The following UNC79 variants were observed in gnomAD, a reference collection of about 807,000 sequenced individuals.
The protein encoded by UNC79 is unc-79 subunit of NALCN channel complex, also known as protein unc-79 homolog.
UNC79 carries 37 observed loss-of-function variants against 283.1 expected under a neutral mutation model. The ratio of observed to expected loss-of-function variants is 0.13; its 90% CI spans 0.10 to 0.17. The LOEUF is 0.17. UNC79 is among the 10% of genes least tolerant of loss of function. UNC79 has a pLI of 1.00. For synonymous variants in UNC79, 1,107 were observed against 1,200.2 expected, an observed-to-expected ratio of 0.92 and a Z score of 1.61; for missense variants, 2,272 against 3,211.1, an observed-to-expected ratio of 0.71 and a Z score of 7.07.
At chr14:93,407,799 G>C (rs2055256944) in intron 1 of UNC79, among the ~76,000 whole-genome samples, 1 of 152,084 alleles carries the variant, frequency 6.6e-6, no homozygotes, top group Non-Finnish European at 1.5e-5. Context: ...CATCAACAGG[G>C]CTCTAGCATA....
At chr14:93,475,955 G>GA (rs2057775092) in intron 3 of UNC79, among the ~76,000 whole-genome samples, 1 of 152,132 alleles carries the variant, frequency 6.6e-6, no homozygotes, top group Admixed American at 6.5e-5. Context: ...TAGAAGGTAG[G>GA]AAAAAACTCA....
intron 4 of UNC79, among the ~76,000 whole-genome samples, chr14:93,481,454 C>A (rs1156585465): frequency 6.6e-6 from 1 of 152,056 alleles, no homozygotes; most frequent in East Asian, 1.9e-4. Flanking sequence ...CTGATGCAGG[C>A]TATGTTATTG....
At chr14:93,515,369 T>G (rs1316865252) in intron 7 of UNC79, among the ~76,000 whole-genome samples, 7 of 152,130 alleles carry the variant, frequency 4.6e-5, no homozygotes, top group African/African-American at 1.7e-4. Flanking sequence ...AAAATCTGTT[T>G]CTGATGACTC....
chr14:93,380,050 A>G (rs1313090543), intron 1 of UNC79, among the ~76,000 whole-genome samples: 2 of 152,064 alleles, frequency 1.3e-5, no homozygotes, highest in Non-Finnish European at 2.9e-5. Context: ...CTCTTCCTCA[A>G]TTTAACTTCA....
At chr14:93,574,591 T>C (rs2063371264) in intron 16 of UNC79, among the ~76,000 whole-genome samples, 1 of 152,212 alleles carries the variant, frequency 6.6e-6, no homozygotes, top group African/African-American at 2.4e-5. Flanking sequence ...ATTAATTCTG[T>C]CTGAAGGAAG....
chr14:93,512,817 A>T (rs1399600777), intron 7 of UNC79, among the ~76,000 whole-genome samples: 1 of 152,000 alleles, frequency 6.6e-6, no homozygotes, highest in Non-Finnish European at 1.5e-5. Flanking sequence ...TGAACTACTT[A>T]TTTTAAAATT....
At chr14:93,434,836 TATC>T (rs543953329) in intron 1 of UNC79, among the ~76,000 whole-genome samples, 2 of 152,194 alleles carry the variant, frequency 1.3e-5, no homozygotes, top group Non-Finnish European at 2.9e-5. Context: ...TAACAATTAT[TATC>T]ATCATCATCA....
chr14:93,373,889 A>G (rs1295593421), intron 1 of UNC79, among the ~76,000 whole-genome samples: 5 of 152,226 alleles, frequency 3.3e-5, no homozygotes, highest in Admixed American at 2.6e-4. Context: ...AGTGATGTGT[A>G]TTTAAAAACA....
chr14:93,442,934 CA>C (rs1373114507), intron 1 of UNC79, among the ~76,000 whole-genome samples: 1 of 151,280 alleles, frequency 6.6e-6, no homozygotes, highest in African/African-American at 2.4e-5. Context: ...ACTAAAAGTA[CA>C]AAAATTAGCA....
chr14:93,593,756 C>T, exon 23 of UNC79: 1 of 1,614,172 alleles, frequency 6.2e-7, no homozygotes, highest in Non-Finnish European at 8.5e-7. Context: ...TGCCCTGTCA[C>T]TTCCTCATGG....
In UNC79 at chr14:93,690,466, A is replaced by G. The variant is rs1179298063; in HGVS notation, c.7272+163A>G. On this transcript the variant is annotated intron_variant, in intron 45 of 48. Coordinates refer to ENST00000555664, the Ensembl canonical transcript of UNC79. The surrounding 1 kb of genome is among the most constrained non-coding windows in gnomAD (Gnocchi z 4.3). ...GCTAATGTCTTATTTAAAGTTGTTT[A>G]GATTCCCAGACTGTCTTTCCCCCCG... 1 of 766,310 alleles carries G rather than the reference A, an allele frequency of 1.3e-6. No homozygotes were observed. The highest frequency in any genetic ancestry group is 1.9e-6 in the Non-Finnish European group (1 of 519,890). 47.5% of individuals were successfully genotyped at this position (766,310 alleles called of 1,614,324 possible).
intron 23 of UNC79, among the ~76,000 whole-genome samples, chr14:93,595,040 A>C (rs1261844806): frequency 2.6e-5 from 4 of 151,004 alleles, no homozygotes; most frequent in Non-Finnish European, 5.9e-5. Context: ...TAATCTTCTG[A>C]ATCTCGGCTC....
intron 1 of UNC79, among the ~76,000 whole-genome samples, chr14:93,443,325 T>A (rs1287735235): frequency 6.6e-6 from 1 of 152,128 alleles, no homozygotes; most frequent in Admixed American, 6.5e-5. Context: ...AACTCCCAGT[T>A]CCAGGAAGAC....
chr14:93,482,327 C>T (rs1384236466), intron 4 of UNC79, among the ~76,000 whole-genome samples: 1 of 152,170 alleles, frequency 6.6e-6, no homozygotes, highest in African/African-American at 2.4e-5. Flanking sequence ...ACCACTTCCA[C>T]AGTGTTAATG....
chr14:93,698,022 T>G (rs1185398401), intron 47 of UNC79, among the ~76,000 whole-genome samples: 1 of 152,358 alleles, frequency 6.6e-6, no homozygotes, highest in South Asian at 2.1e-4. Flanking sequence ...ATTGTTTTAC[T>G]TCCAAATATT....
intron 2 of UNC79, among the ~76,000 whole-genome samples, chr14:93,468,900 T>C (rs1312705918): frequency 6.6e-6 from 1 of 152,190 alleles, no homozygotes; most frequent in Non-Finnish European, 1.5e-5. Flanking sequence ...TCTCAAATTG[T>C]AGTGGAATAA....
chr14:93,515,910 T>C (rs2060032334), intron 7 of UNC79, among the ~76,000 whole-genome samples: 1 of 151,914 alleles, frequency 6.6e-6, no homozygotes, highest in South Asian at 2.1e-4. Flanking sequence ...TTTGTGGTCC[T>C]TTTTTTGGTC....
intron 7 of UNC79, among the ~76,000 whole-genome samples, chr14:93,516,815 A>T (rs758702934): frequency 2.2e-4 from 34 of 151,914 alleles, no homozygotes; most frequent in Non-Finnish European, 4.6e-4. Flanking sequence ...TGACATCTTA[A>T]CAATATTGAG....
chr14:93,576,946 G>C (rs2063508781), intron 17 of UNC79, among the ~76,000 whole-genome samples: 1 of 151,990 alleles, frequency 6.6e-6, no homozygotes, highest in African/African-American at 2.4e-5. Context: ...AGGAGTTAGA[G>C]ACCAGCCTGG....
Sources: gnomAD v4.1 joint callset for allele counts (sites outside exome capture counted in the v4.1 genomes callset) on GRCh38, gnomAD v4.1.1 for gene constraint, Gnocchi (gnomAD v3.1) non-coding constraint, MANE v1.5 for transcripts, NCBI Gene and HGNC (gene_info 2026-07-23, HGNC 2026-07-21) for gene names.